SYNGR1: variants seen among roughly 807,000 people sequenced by gnomAD.
The protein encoded by SYNGR1 is synaptogyrin 1, also known as synaptogyrin-1.
A neutral mutation model predicts 26.1 loss-of-function variants in SYNGR1; 14 were observed. The observed-to-expected ratio is 0.54, with a 90% CI of 0.35 to 0.84. SYNGR1 has a LOEUF of 0.84. Ranked by LOEUF, SYNGR1 falls within the 40% of genes least tolerant of loss-of-function variation. The pLI is 0.01. For synonymous variants in SYNGR1, 141 were observed against 150.1 expected, an observed-to-expected ratio of 0.94 and a Z score of 0.44; for missense variants, 319 against 332.9, an observed-to-expected ratio of 0.96 and a Z score of 0.33.
chr22:39,357,448 C>A (rs369443558), intron 1 of SYNGR1, among the ~76,000 whole-genome samples: 1 of 152,272 alleles, frequency 6.6e-6, no homozygotes, highest in East Asian at 1.9e-4. Flanking sequence ...ATTTGAGGAG[C>A]CCTTCAGCCC....
chr22:39,370,457 G>A (rs556471440), intron 1 of SYNGR1, among the ~76,000 whole-genome samples: 2 of 152,052 alleles, frequency 1.3e-5, no homozygotes, highest in Non-Finnish European at 2.9e-5. Context: ...GGTATTTTTT[G>A]TAGAGATGCG....
intron 3 of SYNGR1, 119 bp downstream of exon 3, chr22:39,376,316 G>A (rs969627140): frequency 4.6e-6 from 7 of 1,530,420 alleles, no homozygotes; most frequent in East Asian, 2.3e-5. Context: ...CACTACCCTC[G>A]CTCCCTCTTC....
intron 1 of SYNGR1, among the ~76,000 whole-genome samples, chr22:39,368,999 C>T (rs937978279): frequency 6.6e-6 from 1 of 152,218 alleles, no homozygotes; most frequent in Admixed American, 6.5e-5. Context: ...GAGGACCAAT[C>T]TGAGGCTCGG....
rs1317833671 is a variant in SYNGR1, at chr22:39,385,419, G to A, written c.*3505G>A. On this transcript the variant is annotated 3_prime_UTR_variant, in exon 4 of 4. Coordinates refer to ENST00000328933, the MANE Select transcript of SYNGR1 (RefSeq NM_004711.5). ...TGCGGTGAAGGGCGGTCCCCATCCT[G>A]GGCCCCCACTCTAGACCCCCCCACC... 6.5e-6 allele frequency: 1 copy of A among 152,812 alleles called. No homozygotes were observed. Among genetic ancestry groups the A allele is most frequent in the Non-Finnish European group, 1.5e-5 (1 of 68,192 alleles). The allele number at this position is 152,812 out of a possible 1,614,324, so 9.5% of individuals were successfully genotyped here. A position where few individuals can be genotyped will look rare whatever the true frequency, so the allele number is the denominator to read the frequency against.
intron 1 of SYNGR1, among the ~76,000 whole-genome samples, chr22:39,355,259 C>T (rs1047115991): frequency 2.6e-5 from 4 of 152,182 alleles, no homozygotes; most frequent in East Asian, 1.9e-4. Flanking sequence ...AAGGGTATTT[C>T]GGAAGCTCCT....
Position 39,376,900 on chromosome 22 carries a change from TCAAA to T in SYNGR1, c.483+708_483+711del, listed in dbSNP as rs1925308814. The T allele has an allele frequency of 5.3e-6, 8 of 1,511,402 alleles. No individual in the cohort carries two copies. In the East Asian group the frequency reaches 1.2e-4, roughly 23 times the overall value. 93.6% of individuals were successfully genotyped at this position (1,511,402 alleles called of 1,614,324 possible). A position where few individuals can be genotyped will look rare whatever the true frequency, so the allele number is the denominator to read the frequency against. On this transcript the variant is annotated intron_variant, in intron 3 of 3. Coordinates refer to ENST00000328933, the MANE Select transcript of SYNGR1 (RefSeq NM_004711.5). ...AGGTTTAAACAATATATTGTGTGTGTCAAACAAAGTATGTCTCTGGGCCCAGCAG... is the reference window on the plus strand; with the variant it reads ...AGGTTTAAACAATATATTGTGTGTGTCAAAGTATGTCTCTGGGCCCAGCAG...
chr22:39,353,942 C>T (rs1303451889), intron 1 of SYNGR1, among the ~76,000 whole-genome samples: 1 of 152,184 alleles, frequency 6.6e-6, no homozygotes, highest in African/African-American at 2.4e-5. Context: ...TGGCTCACTG[C>T]AACCTCTGCC....
At position 39,374,463 on chromosome 22, in the gene SYNGR1, C is replaced by G. The variant is rs1483223671; in HGVS notation, c.247C>G (p.Leu83Val). 1 of 1,613,866 alleles carries G rather than the reference C, an allele frequency of 6.2e-7. No individual in the cohort carries two copies. Among genetic ancestry groups the G allele is most frequent in the Non-Finnish European group, 8.5e-7 (1 of 1,180,036 alleles). ...GGGCGTGCTCGCCTTCCTCACCTGC[C>G]TGCTGTACCTGGCCCTGGACGTGTA... ...AVGVLAFLTC[L>V]LYLALDVYFP... Residue 83 changes from leucine (L) to valine (V), a missense_variant, in exon 2 of 4, where the codon CTG (leucine) becomes GTG (valine). Leu to Val is a conservative substitution (Grantham distance 32, BLOSUM62 1). Transcript: ENST00000328933.
At chr22:39,375,798 G>T in intron 2 of SYNGR1, 1 of 620,210 alleles carries the variant, frequency 1.6e-6, no homozygotes, top group South Asian at 1.9e-5. Flanking sequence ...GCTCTCCTCT[G>T]ACTGGCCCTG....
At position 39,353,016 on chromosome 22, in the gene SYNGR1, C is replaced by A. The variant is rs188251266; in HGVS notation, c.99+2907C>A. Among the ~76,000 whole-genome samples, 266 of 152,220 alleles carry A rather than the reference C, an allele frequency of 1.7e-3. 1 individual carries two copies. Among genetic ancestry groups the A allele is most frequent in the African/African-American group, 6.1e-3 (252 of 41,536 alleles). ...AGCTGGGACTACAGGCACACACCAC[C>A]ACGCCCAGCTAATTTTTGTATTTTT... On this transcript the variant is annotated intron_variant, in intron 1 of 3. Coordinates refer to ENST00000328933, the MANE Select transcript of SYNGR1 (RefSeq NM_004711.5).
At chr22:39,378,397 A>ATTCT in intron 3 of SYNGR1, 1 of 983,092 alleles carries the variant, frequency 1.0e-6, no homozygotes, top group South Asian at 4.7e-5. Context: ...TCATTCATTC[A>ATTCT]TTCTTCTCTC....
chr22:39,360,332 T>C (rs1158019716), intron 1 of SYNGR1, among the ~76,000 whole-genome samples: 2 of 152,168 alleles, frequency 1.3e-5, no homozygotes, highest in East Asian at 3.9e-4. Flanking sequence ...CACTCCCTCA[T>C]CCATTTCTCT....
At chr22:39,366,716 G>A (rs1246586128) in intron 1 of SYNGR1, among the ~76,000 whole-genome samples, 1 of 152,202 alleles carries the variant, frequency 6.6e-6, no homozygotes, top group African/African-American at 2.4e-5. Context: ...CCCCAGGCCT[G>A]TCCCTCACTT....
Position 39,374,403 on chromosome 22 carries a change from C to T in SYNGR1, c.187C>T (p.Arg63Cys), listed in dbSNP as rs771662686. 8.1e-6 allele frequency: 13 copies of T among 1,613,976 alleles called. No homozygotes were observed. The African/African-American group carries it at 9.3e-5, about 12-fold the overall frequency. ...SEGEEFCIYN[R>C]NPNACSYGVA... is the part of the protein sequence containing the mutation. Reference sequence around the variant, plus strand: ...GGGGGAGGAGTTCTGCATCTACAACCGCAACCCCAACGCCTGCAGCTATGG... The same window carrying T: ...GGGGGAGGAGTTCTGCATCTACAACTGCAACCCCAACGCCTGCAGCTATGG... Residue 63 changes from arginine (R) to cysteine (C), a missense_variant, in exon 2 of 4, where the codon CGC (arginine) becomes TGC (cysteine). By Grantham distance (180) the Arg-to-Cys change is radical. Transcript: ENST00000328933.
rs748178210 is a variant in SYNGR1, at chr22:39,376,175, C to T, written c.461C>T (p.Ser154Phe). The change falls in exon 3 of 4, where the codon TCC becomes TTC. Residue 154 changes from serine (S) to phenylalanine (F), a missense_variant. Coordinates refer to ENST00000328933, the MANE Select transcript of SYNGR1 (RefSeq NM_004711.5). Reference protein sequence around the residue: ...TDAARAAIAFSFFSIFTWAGQ... With the variant: ...TDAARAAIAFFFFSIFTWAGQ... ...GCAGCCCGGGCCGCCATCGCCTTCTCCTTTTTCTCCATCTTCACCTGGGTG... is the reference window on the plus strand; with the variant it reads ...GCAGCCCGGGCCGCCATCGCCTTCTTCTTTTTCTCCATCTTCACCTGGGTG... The T allele has an allele frequency of 1.2e-6, 2 of 1,614,222 alleles. No individual in the cohort carries two copies. Among genetic ancestry groups the T allele is most frequent in the South Asian group, 1.1e-5 (1 of 91,088 alleles).
Position 39,350,945 on chromosome 22 carries a change from G to C in SYNGR1, c.99+836G>C, listed in dbSNP as rs1462963989. ...AGAGGCCAGGGTGGCCTCCAGCCTAGCTGGGGGGCAGGGTCCTCAGTGCAG... is the reference window on the plus strand; with the variant it reads ...AGAGGCCAGGGTGGCCTCCAGCCTACCTGGGGGGCAGGGTCCTCAGTGCAG... On this transcript the variant is annotated intron_variant, in intron 1 of 3. Transcript: ENST00000328933. This position sits in a 1 kb window ranked among gnomAD's most constrained non-coding sequence, Gnocchi z 4.3. 6.6e-6 allele frequency among the ~76,000 whole-genome samples: 1 copy of C among 152,192 alleles called. No individual in the cohort carries two copies. Among genetic ancestry groups the C allele is most frequent in the Non-Finnish European group, 1.5e-5 (1 of 68,038 alleles).
chr22:39,381,968 C>G lies in SYNGR1; in HGVS notation c.*54C>G. 6.5e-7 allele frequency: 1 copy of G among 1,533,680 alleles called. No homozygotes were observed. Among genetic ancestry groups the G allele is most frequent in the Non-Finnish European group, 8.8e-7 (1 of 1,136,478 alleles). On this transcript the variant is annotated 3_prime_UTR_variant, in exon 4 of 4. Transcript: ENST00000328933. ...CCCCATCTGTCCCCTCTCTCCACAC[C>G]CAGCCCCTGCTCCTGCCCAGGCTGC...
At chr22:39,364,370 G>A in intron 1 of SYNGR1, 4 of 1,609,858 alleles carry the variant, frequency 2.5e-6, no homozygotes, top group East Asian at 2.2e-5. Flanking sequence ...ACTGTGAAAT[G>A]CTCTAAGTAT....
In SYNGR1 at chr22:39,350,956, G is replaced by A. The variant is rs1452555623; in HGVS notation, c.99+847G>A. The stretch of plus-strand genomic sequence containing the variant: ...TGGCCTCCAGCCTAGCTGGGGGGCA[G>A]GGTCCTCAGTGCAGAGGGCTGAGTG... On this transcript the variant is annotated intron_variant, in intron 1 of 3. Coordinates refer to ENST00000328933, the MANE Select transcript of SYNGR1 (RefSeq NM_004711.5). This position sits in a 1 kb window ranked among gnomAD's most constrained non-coding sequence, Gnocchi z 4.3. Among the ~76,000 whole-genome samples the A allele has an allele frequency of 6.6e-6, 1 of 152,206 alleles. No individual in the cohort carries two copies.
Sources: gnomAD v4.1 joint callset for allele counts (sites outside exome capture counted in the v4.1 genomes callset) on GRCh38, gnomAD v4.1.1 for gene constraint, Gnocchi (gnomAD v3.1) non-coding constraint, MANE v1.5 for transcripts, NCBI Gene and HGNC (gene_info 2026-07-23, HGNC 2026-07-21) for gene names.